DPF3: variants seen among roughly 807,000 people sequenced by gnomAD.
DPF3 encodes the protein zinc finger protein DPF3.
Under a neutral mutation model 56.8 loss-of-function variants are expected in DPF3, and 18 were observed. That is an observed-to-expected ratio of 0.32 (90% confidence interval 0.22 to 0.47). DPF3 has a LOEUF of 0.47. Among genes scored for constraint, DPF3 ranks in the 20% least tolerant of loss-of-function variants. DPF3 has a pLI of 1.00. For missense variants in DPF3, 403 were observed against 488.8 expected (o/e 0.82, Z 1.65); for synonymous variants, 188 against 180.2 (o/e 1.04, Z -0.35).
At chr14:72,635,484 C>T (rs890774651) in intron 8 of DPF3, among the ~76,000 whole-genome samples, 1 of 152,180 alleles carries the variant, frequency 6.6e-6, no homozygotes, top group African/African-American at 2.4e-5. Flanking sequence ...AGATAAATAT[C>T]CAGGCAAAAC....
At chr14:72,750,650 A>G (rs944430333) in intron 3 of DPF3, among the ~76,000 whole-genome samples, 5 of 152,128 alleles carry the variant, frequency 3.3e-5, no homozygotes, top group Admixed American at 6.5e-5. Flanking sequence ...GAAACTTTAT[A>G]TTTTGCTGTG....
intron 8 of DPF3, among the ~76,000 whole-genome samples, chr14:72,649,431 T>C (rs1941844597): frequency 6.6e-6 from 1 of 151,862 alleles, no homozygotes; most frequent in East Asian, 1.9e-4. Flanking sequence ...AAAGAGGTCA[T>C]CACAGGTTCC....
At chr14:72,885,301 T>C (rs1886500071) in intron 1 of DPF3, among the ~76,000 whole-genome samples, 1 of 151,886 alleles carries the variant, frequency 6.6e-6, no homozygotes, top group Non-Finnish European at 1.5e-5. Flanking sequence ...GTTTGGGTTT[T>C]TTTGTTTGTT....
At chr14:72,797,360 G>C (rs375812624) in intron 1 of DPF3, among the ~76,000 whole-genome samples, 85 of 152,320 alleles carry the variant, frequency 5.6e-4, no homozygotes, top group African/African-American at 1.9e-3. Context: ...CAAAATAAAT[G>C]GTTGCTATTT....
intron 6 of DPF3, among the ~76,000 whole-genome samples, chr14:72,703,889 C>A (rs1888291984): frequency 6.6e-6 from 1 of 152,162 alleles, no homozygotes; most frequent in African/African-American, 2.4e-5. Flanking sequence ...ACAACTGGGG[C>A]CCCAGCTTAG....
intron 2 of DPF3, 54 bp from the exon 3 acceptor site, chr14:72,753,425 G>A: frequency 1.4e-6 from 2 of 1,421,348 alleles, no homozygotes; most frequent in South Asian, 1.3e-5. Flanking sequence ...AGGGGCCTTG[G>A]AAACTACCCT....
intron 2 of DPF3, among the ~76,000 whole-genome samples, chr14:72,757,052 G>C (rs1475560597): frequency 8.7e-6 from 1 of 114,970 alleles, no homozygotes; most frequent in Non-Finnish European, 1.7e-5. Context: ...AGGGACAGAG[G>C]GGGAGAAAGG....
chr14:72,783,751 C>T (rs1035830751), intron 1 of DPF3, among the ~76,000 whole-genome samples: 9 of 152,226 alleles, frequency 5.9e-5, no homozygotes, highest in African/African-American at 2.2e-4. Flanking sequence ...CTAGCAGTGC[C>T]AGAAGATGGT....
intron 6 of DPF3, among the ~76,000 whole-genome samples, chr14:72,695,887 T>G (rs972086620): frequency 6.6e-6 from 1 of 152,174 alleles, no homozygotes; most frequent in African/African-American, 2.4e-5. Context: ...CATTCATATA[T>G]TCTCTCTTCC....
chr14:72,892,962 AGGAAGGAAGGAAGGAAGGAAG>A (rs1886817787), intron 1 of DPF3, among the ~76,000 whole-genome samples: 20 of 54,036 alleles, frequency 3.7e-4, no homozygotes, highest in African/African-American at 1.8e-3. Flanking sequence ...GAAGGAAGGA[AGGAAGGAAGGAAGGAAGGAAG>A]GAAGGAAGGA....
chr14:72,661,582 C>G (rs1165423733), intron 8 of DPF3: 1 of 985,438 alleles, frequency 1.0e-6, no homozygotes, highest in Non-Finnish European at 1.2e-6. Context: ...GCCACAGACA[C>G]AGCGCCGAGA....
chr14:72,679,986 C>G lies in DPF3; in HGVS notation c.743-5618G>C, dbSNP rs554737058. ...CCTCAGCTGGAGGCCACTGCCACAG[C>G]CTGCTACCTCGGCCTAGCCTTTAAT... On this transcript the variant is annotated intron_variant, in intron 7 of 10. Transcript: ENST00000556509. 9.8e-4 allele frequency among the ~76,000 whole-genome samples: 149 copies of G among 152,318 alleles called. 2 individuals carry two copies. In the Middle Eastern group the frequency reaches 0.014, roughly 14 times the overall value.
chr14:72,703,811 A>G (rs1888289276), intron 6 of DPF3, among the ~76,000 whole-genome samples: 1 of 152,202 alleles, frequency 6.6e-6, no homozygotes, highest in Non-Finnish European at 1.5e-5. Flanking sequence ...AACATCAGCT[A>G]TTTTTGATCA....
chr14:72,629,397 T>A (rs966350237), intron 9 of DPF3, among the ~76,000 whole-genome samples: 1 of 152,218 alleles, frequency 6.6e-6, no homozygotes, highest in Non-Finnish European at 1.5e-5. Flanking sequence ...CCAAATGAGA[T>A]CATATACTGT....
intron 1 of DPF3, among the ~76,000 whole-genome samples, chr14:72,816,976 C>A (rs1883316206): frequency 6.6e-6 from 1 of 152,220 alleles, no homozygotes; most frequent in Non-Finnish European, 1.5e-5. Context: ...TTTCTCTTGC[C>A]ATCTGCCCCC....
chr14:72,815,289 G>A (rs1472357486), intron 1 of DPF3, among the ~76,000 whole-genome samples: 2 of 152,024 alleles, frequency 1.3e-5, no homozygotes, highest in African/African-American at 2.4e-5. Context: ...ATGAGATACC[G>A]TTAAACATCT....
chr14:72,835,272 T>G (rs1256979144), intron 1 of DPF3, among the ~76,000 whole-genome samples: 4 of 152,242 alleles, frequency 2.6e-5, no homozygotes, highest in African/African-American at 9.6e-5. Flanking sequence ...TTCACCGTGT[T>G]GGCCAGGCTG....
chr14:72,690,279 G>C (rs990316675), intron 7 of DPF3, among the ~76,000 whole-genome samples: 1 of 151,880 alleles, frequency 6.6e-6, no homozygotes, highest in Non-Finnish European at 1.5e-5. Context: ...ACCCGCCCAC[G>C]AGGGCTCGTG....
At chr14:72,714,609 C>G in intron 5 of DPF3, 108 bp from the exon 6 acceptor site, 1 of 1,251,338 alleles carries the variant, frequency 8.0e-7, no homozygotes, top group Non-Finnish European at 1.1e-6. Flanking sequence ...ACTTTTGTGC[C>G]AACACCAGTC....
Sources: allele counts gnomAD v4.1 joint callset (sites outside exome capture counted in the v4.1 genomes callset), GRCh38; gene constraint gnomAD v4.1.1; transcripts MANE v1.5; gene names NCBI Gene and HGNC (gene_info 2026-07-23, HGNC 2026-07-21).